The following HSD17B12 variants were observed in gnomAD, a reference collection of about 807,000 sequenced individuals.
HSD17B12 encodes the protein very-long-chain 3-oxoacyl-CoA reductase.
HSD17B12 carries 32 observed loss-of-function variants against 39.3 expected under a neutral mutation model. The observed-to-expected ratio is 0.81, with a 90% CI of 0.61 to 1.09. HSD17B12 has a LOEUF of 1.09. HSD17B12 is among the 50% of genes least tolerant of loss of function. The pLI, the probability that HSD17B12 is intolerant of heterozygous loss-of-function variation, is 0.00. For synonymous variants in HSD17B12, 150 were observed against 146.7 expected (o/e 1.02, Z -0.16); for missense variants, 342 against 382.9 (o/e 0.89, Z 0.89).
chr11:43,789,801 A>G (rs1219491132), intron 3 of HSD17B12, among the ~76,000 whole-genome samples: 1 of 152,098 alleles, frequency 6.6e-6, no homozygotes, highest in African/African-American at 2.4e-5. Flanking sequence ...GCATGGTGGC[A>G]TGCACCTGTG....
chr11:43,598,110 T>C, the HSD17B12 span, among the ~76,000 whole-genome samples: 1 of 152,098 alleles, frequency 6.6e-6, no homozygotes. Flanking sequence ...GCAGCCAGGT[T>C]ATTGTGCATC....
At chr11:43,584,504 T>C in the HSD17B12 span, 1 of 152,486 alleles carries the variant, frequency 6.6e-6, no homozygotes, top group Non-Finnish European at 1.5e-5. Flanking sequence ...CGCCAATCAC[T>C]CCCATTCTCC....
chr11:43,775,820 C>T (rs1950697461), intron 3 of HSD17B12, among the ~76,000 whole-genome samples: 1 of 147,066 alleles, frequency 6.8e-6, no homozygotes, highest in South Asian at 2.2e-4. Context: ...CATGTGTTCT[C>T]ATTGTTCAAT....
chr11:43,738,973 T>A (rs558915357), intron 1 of HSD17B12, among the ~76,000 whole-genome samples: 2 of 152,336 alleles, frequency 1.3e-5, no homozygotes, highest in African/African-American at 4.8e-5. Flanking sequence ...GTTCACTGGC[T>A]TTGGGTAAGG....
Position 43,802,487 on chromosome 11 carries a change from T to TACATGTG in HSD17B12, c.391+4061_391+4067dup, listed in dbSNP as rs1554969084. On this transcript the variant is annotated intron_variant, in intron 4 of 10. Coordinates refer to ENST00000278353, the MANE Select transcript of HSD17B12 (RefSeq NM_016142.3). ...AGCCACACTTTCAGTGCTTAGTAGC[T>TACATGTG]ACATGTGGCCAGTGGTTACTGTATT... 3.9e-5 allele frequency among the ~76,000 whole-genome samples: 6 copies of TACATGTG among 152,310 alleles called. No homozygotes were observed. The East Asian group carries it at 1.2e-3, about 29-fold the overall frequency.
At chr11:43,816,953 T>G (rs1196429645) in intron 6 of HSD17B12, among the ~76,000 whole-genome samples, 3 of 149,892 alleles carry the variant, frequency 2.0e-5, no homozygotes, top group Non-Finnish European at 4.4e-5. Context: ...ATTAATTCCT[T>G]TTTATGACTG....
At chr11:43,730,983 A>T (rs117372727) in intron 1 of HSD17B12, among the ~76,000 whole-genome samples, 22 of 151,984 alleles carry the variant, frequency 1.4e-4, no homozygotes, top group Non-Finnish European at 1.9e-4. Flanking sequence ...CCCACTTCTT[A>T]TATGAAGAAT....
chr11:43,667,367 G>A, the HSD17B12 span, among the ~76,000 whole-genome samples: 1 of 152,210 alleles, frequency 6.6e-6, no homozygotes, highest in African/African-American at 2.4e-5. Context: ...GACCAGGCTG[G>A]TCTTGAACTC....
chr11:43,796,086 A>T (rs1387619795), intron 3 of HSD17B12, among the ~76,000 whole-genome samples: 1 of 152,282 alleles, frequency 6.6e-6, no homozygotes, highest in East Asian at 1.9e-4. Context: ...AACAACTGCT[A>T]GGATCCCCTA....
At chr11:43,582,520 C>A in the HSD17B12 span, among the ~76,000 whole-genome samples, 1 of 152,232 alleles carries the variant, frequency 6.6e-6, no homozygotes, top group Non-Finnish European at 1.5e-5. Flanking sequence ...GACACACATA[C>A]ACACATGAGT....
chr11:43,621,959 G>A, the HSD17B12 span, among the ~76,000 whole-genome samples: 1 of 152,142 alleles, frequency 6.6e-6, no homozygotes, highest in East Asian at 1.9e-4. Context: ...ACACCGAATG[G>A]TCTCAATCCT....
At position 43,810,366 on chromosome 11, in the gene HSD17B12, A is replaced by AC. The variant is rs1554969627; in HGVS notation, c.392-5071_392-5070insC. Among the ~76,000 whole-genome samples, 3 of 15,538 alleles carry AC rather than the reference A, an allele frequency of 1.9e-4. No individual in the cohort carries two copies. The Admixed American group carries it at 2.5e-3, about 13-fold the overall frequency. 10.2% of individuals were successfully genotyped at this position (15,538 alleles called of 152,430 possible). A position where few individuals can be genotyped will look rare whatever the true frequency, so the allele number is the denominator to read the frequency against. ...GATTTTAAAGCAGTATAATTTAGAA[A>AC]TTATATATATATATATATATATATA... On this transcript the variant is annotated intron_variant, in intron 4 of 10. Coordinates refer to ENST00000278353, the MANE Select transcript of HSD17B12 (RefSeq NM_016142.3).
At chr11:43,560,830 A>G in the HSD17B12 span, among the ~76,000 whole-genome samples, 3 of 152,210 alleles carry the variant, frequency 2.0e-5, no homozygotes. Context: ...CCTGAAGTCA[A>G]TCCAGGTGGG....
chr11:43,607,306 G>GTT, the HSD17B12 span, among the ~76,000 whole-genome samples: 1 of 151,754 alleles, frequency 6.6e-6, no homozygotes, highest in Non-Finnish European at 1.5e-5. Flanking sequence ...GTGTGTGTGT[G>GTT]TGTGTGTGTG....
chr11:43,723,626 A>G (rs1222777650), intron 1 of HSD17B12, among the ~76,000 whole-genome samples: 3 of 152,232 alleles, frequency 2.0e-5, no homozygotes, highest in African/African-American at 7.2e-5. Flanking sequence ...TGTATATTAT[A>G]TAGAGAACAT....
chr11:43,566,863 T>C, the HSD17B12 span, among the ~76,000 whole-genome samples: 1 of 152,182 alleles, frequency 6.6e-6, no homozygotes, highest in Non-Finnish European at 1.5e-5. Flanking sequence ...ATAAGATCTG[T>C]GCCCCGATAG....
the HSD17B12 span, among the ~76,000 whole-genome samples, chr11:43,633,284 C>A: frequency 6.6e-6 from 1 of 152,190 alleles, no homozygotes; most frequent in Non-Finnish European, 1.5e-5. Context: ...GTAATCCCAG[C>A]ACTTTGGGAG....
chr11:43,710,726 G>A (rs988517668), intron 1 of HSD17B12, among the ~76,000 whole-genome samples: 2 of 152,128 alleles, frequency 1.3e-5, no homozygotes, highest in Non-Finnish European at 2.9e-5. Flanking sequence ...TTTTAATCCA[G>A]TATTTGAAAA....
intron 3 of HSD17B12, among the ~76,000 whole-genome samples, chr11:43,760,556 T>C (rs573887766): frequency 6.6e-6 from 1 of 152,284 alleles, no homozygotes; most frequent in East Asian, 1.9e-4. Flanking sequence ...ATCTTACTGG[T>C]CTATAGTGAA....
Sources: gnomAD v4.1 joint callset for allele counts (sites outside exome capture counted in the v4.1 genomes callset) on GRCh38, gnomAD v4.1.1 for gene constraint, MANE v1.5 for transcripts, NCBI Gene and HGNC (gene_info 2026-07-23, HGNC 2026-07-21) for gene names.